OPA1: variants seen among roughly 807,000 people sequenced by gnomAD.
OPA1 encodes the protein OPA1 mitochondrial dynamin like GTPase.
Under a neutral mutation model 152.9 loss-of-function variants are expected in OPA1, and 59 were observed. The observed-to-expected ratio is 0.39, with a 90% CI of 0.31 to 0.48. OPA1 has a LOEUF of 0.48. OPA1 is among the 20% of genes least tolerant of loss of function. The probability of loss-of-function intolerance (pLI) is 0.96; values close to 1 mark genes in which losing one functional copy is unlikely to be tolerated. For missense variants in OPA1, 1,008 were observed against 1,216.8 expected, an observed-to-expected ratio of 0.83 and a Z score of 2.55; for synonymous variants, 400 against 389.9, an observed-to-expected ratio of 1.03 and a Z score of -0.31.
chr3:193,607,546 G>C (rs559371211), intron 1 of OPA1, among the ~76,000 whole-genome samples: 1 of 152,218 alleles, frequency 6.6e-6, no homozygotes, highest in African/African-American at 2.4e-5. Flanking sequence ...TCTTGTTTTT[G>C]TCAGGTTTGT....
intron 29 of OPA1, among the ~76,000 whole-genome samples, chr3:193,675,403 G>A (rs909798890): frequency 6.7e-6 from 1 of 150,340 alleles, no homozygotes; most frequent in Non-Finnish European, 1.5e-5. Context: ...GTGTGAGCTC[G>A]AAGCATCCCG....
chr3:193,680,144 C>T (rs1286486809), intron 29 of OPA1, among the ~76,000 whole-genome samples: 9 of 152,110 alleles, frequency 5.9e-5, no homozygotes, highest in South Asian at 2.1e-4. Flanking sequence ...TTAAAACCTA[C>T]GATTTTTAAT....
At position 193,660,007 on chromosome 3, in the gene OPA1, G is replaced by A. The variant is rs535743969; in HGVS notation, c.2520+446G>A. ...CTAAAAGTCAAAAAAAATTAGCCAG[G>A]TGTGGTGGCGCATACCTGTTATCCC... On this transcript the variant is annotated intron_variant, in intron 25 of 30. Transcript: ENST00000361510. Among the ~76,000 whole-genome samples, 8 of 152,252 alleles carry A rather than the reference G, an allele frequency of 5.3e-5. No homozygotes were observed. The East Asian group carries it at 1.5e-3, about 29-fold the overall frequency.
chr3:193,644,299 C>A, intron 16 of OPA1, 194 bp downstream of exon 16: 1 of 571,890 alleles, frequency 1.7e-6, no homozygotes, highest in Non-Finnish European at 3.0e-6. Flanking sequence ...ACCAGGCTCA[C>A]GTTTTTCCAC....
intron 29 of OPA1, among the ~76,000 whole-genome samples, chr3:193,676,846 TGGC>T (rs1719135696): frequency 6.6e-6 from 1 of 151,946 alleles, no homozygotes; most frequent in Admixed American, 6.6e-5. Flanking sequence ...CCAGGCGTGG[TGGC>T]GGGCGCCTGT....
At chr3:193,617,504 T>C (rs1729228765) in intron 4 of OPA1, among the ~76,000 whole-genome samples, 1 of 152,236 alleles carries the variant, frequency 6.6e-6, no homozygotes, top group Non-Finnish European at 1.5e-5. Context: ...TTAAACATAC[T>C]TGGCTTTTAG....
intron 21 of OPA1, among the ~76,000 whole-genome samples, chr3:193,654,156 A>G (rs1713214885): frequency 6.6e-6 from 1 of 152,208 alleles, no homozygotes; most frequent in South Asian, 2.1e-4. Flanking sequence ...CAACACAAGA[A>G]TGGATAAACA....
At position 193,658,947 on chromosome 3, in the gene OPA1, G is replaced by A; in HGVS notation, c.2392G>A (p.Ala798Thr). The A allele has an allele frequency of 6.2e-7, 1 of 1,613,980 alleles. No individual in the cohort carries two copies. ...RSISDKQQWDAAIYFMEEALQ... is the reference protein window; with the variant it reads ...RSISDKQQWDTAIYFMEEALQ... ...CATATCTGATAAACAGCAATGGGATGCAGCTATTTATTTTATGGAAGAGGC... is the reference window on the plus strand; with the variant it reads ...CATATCTGATAAACAGCAATGGGATACAGCTATTTATTTTATGGAAGAGGC... Residue 798 changes from alanine to threonine, a missense_variant, in exon 24 of 31, where the codon GCA becomes ACA. Physicochemically the swap from Ala to Thr is moderately conservative, Grantham distance 58. Around this residue, in one of 7 missense-constraint regions of OPA1, gnomAD observed 229 missense variants for 269.0 expected, o/e 0.85. Coordinates refer to ENST00000361510, the MANE Select transcript of OPA1 (RefSeq NM_130837.3).
At chr3:193,609,732 C>T (rs566641080) in intron 1 of OPA1, among the ~76,000 whole-genome samples, 61 of 152,230 alleles carry the variant, frequency 4.0e-4, no homozygotes, top group African/African-American at 1.3e-3. Flanking sequence ...AGGCTTTGTT[C>T]GTTTCTTTTT....
In OPA1 at chr3:193,617,792, T is replaced by A. The variant is rs1312157928; in HGVS notation, c.565T>A (p.Leu189Met). The A allele has an allele frequency of 4.3e-6, 7 of 1,611,752 alleles. 1 individual carries two copies. ...TTGCTGATTTTTCACAGGTCACAAA[T>A]TGGTTAGTGAAGTCATAGGAGCTTC... ...LKDFFTSGHK[L>M]VSEVIGASDL... is the part of the protein sequence containing the mutation. The change falls in exon 5 of 31, where the codon TTG (leucine) becomes ATG (methionine). Residue 189 changes from leucine (L) to methionine (M), a missense_variant. Around this residue, in one of 7 missense-constraint regions of OPA1, gnomAD observed 408 missense variants for 395.1 expected, o/e 1.03. Transcript: ENST00000361510.
At chr3:193,616,212 A>G (rs192274830) in intron 3 of OPA1, among the ~76,000 whole-genome samples, 17 of 152,222 alleles carry the variant, frequency 1.1e-4, no homozygotes, top group African/African-American at 3.4e-4. Context: ...AAGTCTCACT[A>G]TGTTGCCCAG....
intron 1 of OPA1, among the ~76,000 whole-genome samples, chr3:193,606,806 G>A (rs1355421368): frequency 3.9e-5 from 6 of 152,102 alleles, no homozygotes; most frequent in African/African-American, 9.7e-5. Flanking sequence ...TGGGTCAAAC[G>A]GTATTTCTAG....
Position 193,645,795 on chromosome 3 carries a change from C to T in OPA1, c.1749C>T (p.Leu583=). ...YEEEFFQNSK[L]LKTSMLKAHQ... ...AAGAGTTTTTTCAGAATTCAAAGCT[C>T]CTAAAGTAGGTATCTTGTTAAAACA... The change falls in exon 18 of 31, where the codon CTC becomes CTT. Residue 583 remains leucine (L), a synonymous_variant. Coordinates refer to ENST00000361510, the MANE Select transcript of OPA1 (RefSeq NM_130837.3). 1 of 1,608,406 alleles carries T rather than the reference C, an allele frequency of 6.2e-7. No individual in the cohort carries two copies. The highest frequency in any genetic ancestry group is 8.5e-7 in the Non-Finnish European group (1 of 1,175,240).
At chr3:193,640,785 A>G (rs1733668942) in intron 11 of OPA1, among the ~76,000 whole-genome samples, 1 of 152,190 alleles carries the variant, frequency 6.6e-6, no homozygotes, top group South Asian at 2.1e-4. Context: ...GTGTAGAATA[A>G]TTGGAAGATT....
At chr3:193,689,386 A>C (rs1721375489) in intron 29 of OPA1, among the ~76,000 whole-genome samples, 1 of 152,172 alleles carries the variant, frequency 6.6e-6, no homozygotes, top group Non-Finnish European at 1.5e-5. Context: ...TGAGGTTTCA[A>C]GGCATGGTAG....
chr3:193,633,528 T>A (rs764937309), intron 8 of OPA1, among the ~76,000 whole-genome samples: 5 of 152,226 alleles, frequency 3.3e-5, no homozygotes, highest in Admixed American at 6.5e-5. Context: ...TAATTGTCAG[T>A]CACTAGGCAC....
In OPA1 at chr3:193,622,689, T is replaced by A. The variant is rs575132308; in HGVS notation, c.679-3403T>A. Among the ~76,000 whole-genome samples the A allele has an allele frequency of 6.6e-5, 10 of 152,336 alleles. No homozygotes were observed. The East Asian group carries it at 1.9e-3, about 29-fold the overall frequency. ...TCCATTAATTATATTCTTCTGAGTG[T>A]TTAAAACACTTGCCATATGAAACAC... On this transcript the variant is annotated intron_variant, in intron 6 of 30. Coordinates refer to ENST00000361510, the MANE Select transcript of OPA1 (RefSeq NM_130837.3).
At chr3:193,642,922 T>C (rs2306720) in intron 12 of OPA1, 53 bp from the exon 13 acceptor site, 1 of 1,578,532 alleles carries the variant, frequency 6.3e-7, no homozygotes, top group African/African-American at 1.4e-5. Flanking sequence ...TTAAAGAATA[T>C]TTGTGAATTA....
At position 193,626,085 on chromosome 3, in the gene OPA1, G is replaced by T. The variant is rs373326620; in HGVS notation, c.679-7G>T. The T allele has an allele frequency of 1.2e-6, 2 of 1,609,690 alleles. No homozygotes were observed. The highest frequency in any genetic ancestry group is 1.7e-5 in the Admixed American group (1 of 59,996). ...TTCCTCTTCTCCTCATTGTGAACTC[G>T]TGGCAGGGTCTGCTTGGTGAGCTCA... On this transcript the variant is annotated splice_region_variant and splice_polypyrimidine_tract_variant and intron_variant, in intron 6 of 30. Coordinates refer to ENST00000361510, the MANE Select transcript of OPA1 (RefSeq NM_130837.3).
Sources: allele counts gnomAD v4.1 joint callset (sites outside exome capture counted in the v4.1 genomes callset), GRCh38; gene constraint gnomAD v4.1.1; regional missense constraint gnomAD v4.1.1; transcripts MANE v1.5; gene names NCBI Gene and HGNC (gene_info 2026-07-23, HGNC 2026-07-21).